ATP8B4: variants seen among roughly 807,000 people sequenced by gnomAD.
ATP8B4 encodes ATPase phospholipid transporting 8B4 (putative).
In ATP8B4, 133 loss-of-function variants were observed where a neutral mutation model predicts 145.6. The ratio of observed to expected loss-of-function variants is 0.91; its 90% CI spans 0.79 to 1.05. ATP8B4 has a LOEUF of 1.05. Among genes scored for constraint, ATP8B4 ranks in the 50% least tolerant of loss-of-function variants. The pLI is 0.00. For missense variants in ATP8B4, 1,458 were observed against 1,425.2 expected, an observed-to-expected ratio of 1.02 and a Z score of -0.37; for synonymous variants, 507 against 492.9, an observed-to-expected ratio of 1.03 and a Z score of -0.38.
chr15:50,138,987 T>G (rs895096424), intron 1 of ATP8B4, among the ~76,000 whole-genome samples: 3 of 152,152 alleles, frequency 2.0e-5, no homozygotes, highest in African/African-American at 7.2e-5. Flanking sequence ...ACACTATTGG[T>G]GGGAGTGTAA....
intron 16 of ATP8B4, among the ~76,000 whole-genome samples, chr15:49,925,307 T>A (rs2040617446): frequency 6.6e-6 from 1 of 152,186 alleles, no homozygotes; most frequent in African/African-American, 2.4e-5. Context: ...CAGATCTTTG[T>A]AACATCTAGT....
At position 49,879,394 on chromosome 15, in the gene ATP8B4, G is replaced by A; in HGVS notation, c.2763C>T (p.Ala921=). 1.2e-6 allele frequency: 2 copies of A among 1,612,090 alleles called. No homozygotes were observed. Among genetic ancestry groups the A allele is most frequent in the Non-Finnish European group, 8.5e-7 (1 of 1,178,846 alleles). Residue 921 remains alanine (A), a synonymous_variant, in exon 24 of 28, where the codon GCC becomes GCT. Transcript: ENST00000284509. The part of the protein sequence containing the change: ...NIVYTSLPVL[A]MGIFDQDVSD... ...AACATACCTGGTCAAAAATCCCCATGGCTAAAACAGGCAGTGATGTGTAAA... is the reference window on the plus strand; with the variant it reads ...AACATACCTGGTCAAAAATCCCCATAGCTAAAACAGGCAGTGATGTGTAAA...
rs76084993 is a variant in ATP8B4 at position 49,924,777 on chromosome 15, T to C, written c.1643-1283A>G. 4.6e-3 allele frequency among the ~76,000 whole-genome samples: 702 copies of C among 152,258 alleles called. 5 individuals are homozygous for C. The highest frequency in any genetic ancestry group is 0.016 in the African/African-American group (667 of 41,550). On this transcript the variant is annotated intron_variant, in intron 16 of 27. Coordinates refer to ENST00000284509, the MANE Select transcript of ATP8B4 (RefSeq NM_024837.4). Reference sequence around the variant, plus strand: ...TAGCTTGCCTAATTGCCAGAACTCATGTGGGTTTTCTTGTACTCTAGCTCT... The same window carrying C: ...TAGCTTGCCTAATTGCCAGAACTCACGTGGGTTTTCTTGTACTCTAGCTCT...
chr15:50,078,283 C>T (rs1426313985), intron 2 of ATP8B4, among the ~76,000 whole-genome samples: 8 of 151,362 alleles, frequency 5.3e-5, no homozygotes, highest in Non-Finnish European at 1.5e-5. Flanking sequence ...TGGGTTCAAA[C>T]CGTCCTCTCA....
chr15:49,963,544 G>A (rs2044271370), intron 13 of ATP8B4, among the ~76,000 whole-genome samples: 1 of 152,204 alleles, frequency 6.6e-6, no homozygotes, highest in African/African-American at 2.4e-5. Context: ...TAAAGAAAAT[G>A]TGGTACATAT....
At chr15:50,167,154 G>C (rs954796678) in intron 1 of ATP8B4, among the ~76,000 whole-genome samples, 1 of 152,072 alleles carries the variant, frequency 6.6e-6, no homozygotes, top group Non-Finnish European at 1.5e-5. Flanking sequence ...GTGCATCCTA[G>C]TTTTGAAGTC....
rs142025886 is a variant in ATP8B4 at position 50,115,568 on chromosome 15, C to CA, written c.-43+3554dup. Among the ~76,000 whole-genome samples, 286 of 151,746 alleles carry CA rather than the reference C, an allele frequency of 1.9e-3. 1 individual carries two copies. Among genetic ancestry groups the CA allele is most frequent in the African/African-American group, 6.8e-3 (280 of 41,356 alleles). On this transcript the variant is annotated intron_variant, in intron 1 of 27. Coordinates refer to ENST00000284509, the MANE Select transcript of ATP8B4 (RefSeq NM_024837.4). ...TCAAAGGAACAGCGTGAGGAAAGGC[C>CA]AAGTGTTGTGAAAGGGAAGGAAGGT...
chr15:50,085,932 T>TATATTTATATATGATATATATC (rs1567330970), intron 2 of ATP8B4, among the ~76,000 whole-genome samples: 87 of 45,390 alleles, frequency 1.9e-3, no homozygotes, highest in Non-Finnish European at 3.3e-3. Context: ...ATATATCATA[T>TATATTTATATATGATATATATC]ATATTTATAT....
Position 50,053,275 on chromosome 15 carries a change from G to A in ATP8B4, c.88-5811C>T, listed in dbSNP as rs189787597. Among the ~76,000 whole-genome samples, 261 of 152,314 alleles carry A rather than the reference G, an allele frequency of 1.7e-3. 2 individuals are homozygous for A. The highest frequency in any genetic ancestry group is 5.9e-3 in the African/African-American group (244 of 41,560). The stretch of plus-strand genomic sequence containing the variant: ...AGTAACTTACTAACTTACACGAGTT[G>A]ACACAGCTTGTAAGTGGTGATTGTA... On this transcript the variant is annotated intron_variant, in intron 3 of 27. Coordinates refer to ENST00000284509, the MANE Select transcript of ATP8B4 (RefSeq NM_024837.4).
At chr15:49,865,766 G>A (rs531099565) in intron 26 of ATP8B4, among the ~76,000 whole-genome samples, 32 of 152,220 alleles carry the variant, frequency 2.1e-4, no homozygotes, top group African/African-American at 5.3e-4. Flanking sequence ...ATATATTCTC[G>A]CATGGAAAGA....
intron 1 of ATP8B4, among the ~76,000 whole-genome samples, chr15:50,108,216 A>C (rs2056776968): frequency 1.3e-5 from 2 of 150,632 alleles, no homozygotes; most frequent in African/African-American, 4.9e-5. Flanking sequence ...CTACTCCCCC[A>C]CCCCAGCCCC....
intron 20 of ATP8B4, among the ~76,000 whole-genome samples, chr15:49,906,175 A>G (rs1315658849): frequency 3.9e-5 from 6 of 152,160 alleles, no homozygotes; most frequent in African/African-American, 4.8e-5. Flanking sequence ...TATTTGAGCT[A>G]TTTCTCATCT....
At chr15:49,902,034 G>A (rs76889399) in intron 20 of ATP8B4, 13,484 of 192,680 alleles carry the variant, frequency 0.07, 552 homozygotes, top group Middle Eastern at 0.089. Flanking sequence ...CTTAGAAGTG[G>A]CATTCTACTG....
intron 1 of ATP8B4, among the ~76,000 whole-genome samples, chr15:50,112,696 G>A (rs920003167): frequency 1.3e-5 from 2 of 152,152 alleles, no homozygotes; most frequent in Non-Finnish European, 2.9e-5. Flanking sequence ...AAGTGGAGAT[G>A]GGAATGCCTT....
chr15:50,122,153 T>C (rs2057276333), upstream of ATP8B4, among the ~76,000 whole-genome samples: 1 of 152,202 alleles, frequency 6.6e-6, no homozygotes, highest in Non-Finnish European at 1.5e-5. Context: ...CAATGAATTA[T>C]GGTTTTAGAT....
chr15:49,901,014 G>A lies in ATP8B4; in HGVS notation c.2289+78C>T, dbSNP rs539131159. 4 of 1,495,772 alleles carry A rather than the reference G, an allele frequency of 2.7e-6. No individual in the cohort carries two copies. The East Asian group carries it at 6.8e-5, about 26-fold the overall frequency. The allele number at this position is 1,495,772 out of a possible 1,614,324, so 92.7% of individuals were successfully genotyped here. On this transcript the variant is annotated intron_variant, in intron 21 of 27. Transcript: ENST00000284509. ...ACATTTGTCTGGAAAAGACAAAGGAGGTCTCATTATGATAGCACAAAAGAG... is the reference window on the plus strand; with the variant it reads ...ACATTTGTCTGGAAAAGACAAAGGAAGTCTCATTATGATAGCACAAAAGAG...
chr15:49,972,261 T>TA (rs1440174813), intron 13 of ATP8B4, among the ~76,000 whole-genome samples: 1 of 152,070 alleles, frequency 6.6e-6, no homozygotes, highest in East Asian at 1.9e-4. Flanking sequence ...TCCCAAAACT[T>TA]AAAGTATAAT....
chr15:49,962,689 T>G (rs1472988732), intron 13 of ATP8B4, among the ~76,000 whole-genome samples: 1 of 152,218 alleles, frequency 6.6e-6, no homozygotes, highest in Non-Finnish European at 1.5e-5. Context: ...TGTATTTTTA[T>G]ATACACATAT....
intron 2 of ATP8B4, among the ~76,000 whole-genome samples, chr15:50,096,262 C>G (rs2055980287): frequency 6.6e-6 from 1 of 152,176 alleles, no homozygotes; most frequent in African/African-American, 2.4e-5. Context: ...AATAGCCGCT[C>G]TCCCCTAATT....
Sources: allele counts gnomAD v4.1 joint callset (sites outside exome capture counted in the v4.1 genomes callset), GRCh38; gene constraint gnomAD v4.1.1; transcripts MANE v1.5; gene names NCBI Gene and HGNC (gene_info 2026-07-23, HGNC 2026-07-21).